The following PLPP4 variants were observed in gnomAD, a reference collection of about 807,000 sequenced individuals.
PLPP4 encodes diacylglycerol pyrophosphate like 2.
In PLPP4, 20 loss-of-function variants were observed where a neutral mutation model predicts 32.2. The ratio of observed to expected loss-of-function variants is 0.62; its 90% CI spans 0.44 to 0.90. The LOEUF is 0.90. Ranked by LOEUF, PLPP4 falls within the 40% of genes least tolerant of loss-of-function variation. The pLI is 0.00. For synonymous variants in PLPP4, 127 were observed against 133.0 expected, an observed-to-expected ratio of 0.95 and a Z score of 0.31; for missense variants, 257 against 353.1, an observed-to-expected ratio of 0.73 and a Z score of 2.18.
At chr10:120,581,820 C>A (rs557878102) in intron 6 of PLPP4, among the ~76,000 whole-genome samples, 172 of 152,296 alleles carry the variant, frequency 1.1e-3, no homozygotes, top group African/African-American at 4.0e-3. Context: ...TCTCCCCTTG[C>A]GCATTTACCA....
At chr10:120,505,750 A>G (rs949563593) in intron 2 of PLPP4, among the ~76,000 whole-genome samples, 9 of 152,226 alleles carry the variant, frequency 5.9e-5, no homozygotes, top group African/African-American at 2.2e-4. Context: ...TTACTAACAC[A>G]TGACTACTAA....
chr10:120,560,433 G>A (rs1301064657), intron 5 of PLPP4, among the ~76,000 whole-genome samples: 3 of 152,240 alleles, frequency 2.0e-5, no homozygotes, highest in Non-Finnish European at 4.4e-5. Flanking sequence ...TTAGGTTAGT[G>A]CAAAATAAGT....
chr10:120,565,313 GTGGTGTGTGT>G (rs1848638154), intron 5 of PLPP4, among the ~76,000 whole-genome samples: 1 of 109,098 alleles, frequency 9.2e-6, no homozygotes, highest in East Asian at 2.8e-4. Flanking sequence ...ATTTGTTTGT[GTGGTGTGTGT>G]GTGTGTGTGT....
chr10:120,552,734 A>G (rs893926300), intron 5 of PLPP4, among the ~76,000 whole-genome samples: 7 of 152,334 alleles, frequency 4.6e-5, no homozygotes, highest in East Asian at 1.9e-4. Context: ...TTGGCCCTAC[A>G]GAACACAAAC....
At chr10:120,472,410 A>G (rs1042339710) in intron 1 of PLPP4, among the ~76,000 whole-genome samples, 1 of 152,050 alleles carries the variant, frequency 6.6e-6, no homozygotes, top group African/African-American at 2.4e-5. Context: ...ATGTCTTTGC[A>G]TTATCTTGTG....
chr10:120,560,848 A>G (rs549417562), intron 5 of PLPP4, among the ~76,000 whole-genome samples: 150 of 152,304 alleles, frequency 9.8e-4, no homozygotes, highest in African/African-American at 3.5e-3. Context: ...GGGTTAATTG[A>G]CCATTTGTGT....
At chr10:120,575,944 C>T (rs1294052725) in intron 6 of PLPP4, among the ~76,000 whole-genome samples, 1 of 152,194 alleles carries the variant, frequency 6.6e-6, no homozygotes, top group Non-Finnish European at 1.5e-5. Context: ...AGACAACCAC[C>T]ACCTGCCAGA....
At chr10:120,567,042 T>C (rs1012932805) in intron 5 of PLPP4, among the ~76,000 whole-genome samples, 21 of 152,196 alleles carry the variant, frequency 1.4e-4, no homozygotes, top group African/African-American at 4.8e-4. Context: ...CCTGTGTCCT[T>C]GCACCCTAGG....
intron 6 of PLPP4, among the ~76,000 whole-genome samples, chr10:120,578,722 A>G (rs889876853): frequency 3.9e-5 from 6 of 152,248 alleles, no homozygotes; most frequent in Non-Finnish European, 8.8e-5. Flanking sequence ...GGCACAGGCC[A>G]TGGCATAGGG....
intron 5 of PLPP4, among the ~76,000 whole-genome samples, chr10:120,552,204 G>GA (rs1328978637): frequency 6.7e-6 from 1 of 149,824 alleles, no homozygotes; most frequent in Non-Finnish European, 1.5e-5. Flanking sequence ...GTGTGTGTGT[G>GA]TGTGATGTTA....
rs12569404 is a variant in PLPP4, at chr10:120,590,879, G to A, written c.*1377G>A. Among the ~76,000 whole-genome samples the A allele has an allele frequency of 6.7e-6, 1 of 149,694 alleles. No individual in the cohort carries two copies. The highest frequency in any genetic ancestry group is 2.0e-4 in the East Asian group (1 of 5,006). On this transcript the variant is annotated 3_prime_UTR_variant, in exon 7 of 7. Transcript: ENST00000398250. The stretch of plus-strand genomic sequence containing the variant: ...TTGCCTCTGGGTTCAAGCTATTCTC[G>A]TGCCTCAGCCTCCCAAGTAGCTAGG...
rs140411216 is a variant in PLPP4 at position 120,497,160 on chromosome 10, C to G, written c.57-6658C>G. Among the ~76,000 whole-genome samples, 3 of 152,096 alleles carry G rather than the reference C, an allele frequency of 2.0e-5. No homozygotes were observed. In the East Asian group the frequency reaches 5.8e-4, roughly 30 times the overall value. ...ATTCAGGTGACCAAAAAAAGGTAGT[C>G]GGTGGTGCTTTTGTGATTTAGCAGT... On this transcript the variant is annotated intron_variant, in intron 1 of 6. Transcript: ENST00000398250.
intron 1 of PLPP4, among the ~76,000 whole-genome samples, chr10:120,470,974 C>T (rs1848495160): frequency 6.6e-6 from 1 of 152,128 alleles, no homozygotes; most frequent in South Asian, 2.1e-4. Context: ...TGTATTGAGA[C>T]CAGAGATTGT....
chr10:120,475,105 A>T (rs184789987), intron 1 of PLPP4, among the ~76,000 whole-genome samples: 3 of 152,186 alleles, frequency 2.0e-5, no homozygotes, highest in Non-Finnish European at 4.4e-5. Context: ...AATCATGGAT[A>T]CAAAGGGGAT....
intron 2 of PLPP4, among the ~76,000 whole-genome samples, chr10:120,505,255 AG>A (rs1845442132): frequency 6.6e-6 from 1 of 152,236 alleles, no homozygotes; most frequent in Non-Finnish European, 1.5e-5. Context: ...CTCAGCCAAG[AG>A]GCTGCCCTGA....
chr10:120,546,324 C>G (rs529102627), intron 5 of PLPP4, among the ~76,000 whole-genome samples: 2 of 152,290 alleles, frequency 1.3e-5, no homozygotes, highest in African/African-American at 4.8e-5. Context: ...TATACCTCCC[C>G]TGTCCCCCAA....
At chr10:120,501,555 A>T (rs1845250887) in intron 1 of PLPP4, among the ~76,000 whole-genome samples, 1 of 152,060 alleles carries the variant, frequency 6.6e-6, no homozygotes, top group Admixed American at 6.5e-5. Flanking sequence ...ATGTTAAATG[A>T]CTCATTATGT....
At chr10:120,519,175 C>T (rs1846053423) in intron 4 of PLPP4, among the ~76,000 whole-genome samples, 1 of 152,132 alleles carries the variant, frequency 6.6e-6, no homozygotes, top group South Asian at 2.1e-4. Context: ...CCTGCCAGCC[C>T]AGGGCCTCCC....
chr10:120,458,382 GT>G (rs1458685449), intron 1 of PLPP4, among the ~76,000 whole-genome samples: 1 of 152,096 alleles, frequency 6.6e-6, no homozygotes. Context: ...TTATTTGTTT[GT>G]TTTTGTTTTC....
Sources: allele counts gnomAD v4.1 joint callset (sites outside exome capture counted in the v4.1 genomes callset), GRCh38; gene constraint gnomAD v4.1.1; transcripts MANE v1.5; gene names NCBI Gene and HGNC (gene_info 2026-07-23, HGNC 2026-07-21).